Variants in SPAG16 observed in about 807,000 individuals in gnomAD.
The protein encoded by SPAG16 is sperm-associated antigen 16 protein.
Under a neutral mutation model 80.4 loss-of-function variants are expected in SPAG16, and 86 were observed. That is an observed-to-expected ratio of 1.07 (90% CI 0.90 to 1.28). The LOEUF (loss-of-function observed/expected upper bound fraction) is 1.28. SPAG16 is among the 50% of genes most tolerant of loss of function. The pLI is 0.00. For missense variants in SPAG16, 870 were observed against 765.3 expected, an observed-to-expected ratio of 1.14 and a Z score of -1.61; for synonymous variants, 294 against 265.9, an observed-to-expected ratio of 1.11 and a Z score of -1.03.
intron 10 of SPAG16, among the ~76,000 whole-genome samples, chr2:213,594,107 T>C (rs62195176): frequency 0.18 from 26,909 of 151,968 alleles, 3,238 homozygotes; most frequent in Non-Finnish European, 0.27. Context: ...CTTCAACTCT[T>C]TAGCTTTGAG....
chr2:214,140,916 T>G (rs1192078673), intron 14 of SPAG16, among the ~76,000 whole-genome samples: 1 of 100,242 alleles, frequency 1.0e-5, no homozygotes, highest in African/African-American at 4.1e-5. Flanking sequence ...TTTTAATTGT[T>G]AAGTATATCC....
At chr2:213,630,936 G>A (rs1401696413) in intron 10 of SPAG16, among the ~76,000 whole-genome samples, 1 of 152,208 alleles carries the variant, frequency 6.6e-6, no homozygotes, top group Admixed American at 6.5e-5. Context: ...GTAGTGACTT[G>A]AGATGGGGTT....
At chr2:213,464,242 G>T (rs1026975723) in intron 9 of SPAG16, among the ~76,000 whole-genome samples, 1 of 152,226 alleles carries the variant, frequency 6.6e-6, no homozygotes, top group Admixed American at 6.5e-5. Flanking sequence ...CTTCAAAGGG[G>T]TGTTTCTAAA....
At chr2:214,007,212 AT>A (rs777897280) in intron 12 of SPAG16, among the ~76,000 whole-genome samples, 7 of 152,282 alleles carry the variant, frequency 4.6e-5, no homozygotes, top group Admixed American at 3.3e-4. Flanking sequence ...AATAAAAATA[AT>A]TTTTAGTCTA....
intron 15 of SPAG16, among the ~76,000 whole-genome samples, chr2:214,363,706 G>T (rs530564940): frequency 6.6e-6 from 1 of 152,124 alleles, no homozygotes; most frequent in Middle Eastern, 3.4e-3. Context: ...ATCTTTTAAA[G>T]ACAAAGAAAA....
At chr2:214,349,890 T>G (rs1698287686) in intron 15 of SPAG16, among the ~76,000 whole-genome samples, 1 of 152,248 alleles carries the variant, frequency 6.6e-6, no homozygotes, top group African/African-American at 2.4e-5. Context: ...ATGAAGTGTC[T>G]GCACCAATAT....
At chr2:214,053,239 G>T (rs2049754991) in intron 13 of SPAG16, among the ~76,000 whole-genome samples, 1 of 152,146 alleles carries the variant, frequency 6.6e-6, no homozygotes, top group African/African-American at 2.4e-5. Context: ...GAGCAAAAAT[G>T]CAGTTCAGTT....
intron 10 of SPAG16, among the ~76,000 whole-genome samples, chr2:213,656,300 A>T (rs993488683): frequency 1.6e-4 from 24 of 152,154 alleles, no homozygotes; most frequent in African/African-American, 4.8e-4. Flanking sequence ...CCTCCGGAGT[A>T]GCTGGGACTG....
At position 213,869,264 on chromosome 2, in the gene SPAG16, A is replaced by ATATAT. The variant is rs1553648743; in HGVS notation, c.1214+6636_1214+6637insTATAT. Among the ~76,000 whole-genome samples the ATATAT allele has an allele frequency of 3.0e-3, 188 of 63,592 alleles. 3 individuals carry two copies. In the East Asian group the frequency reaches 0.047, roughly 16 times the overall value. The allele number at this position is 63,592 out of a possible 152,430, so 41.7% of individuals were successfully genotyped here. ...GCTAAAGTCCATGTCAAAAAAAAAA[A>ATATAT]ATATATATATATATATGTATATATA... On this transcript the variant is annotated intron_variant, in intron 11 of 15. Coordinates refer to ENST00000331683, the MANE Select transcript of SPAG16 (RefSeq NM_024532.5).
intron 12 of SPAG16, among the ~76,000 whole-genome samples, chr2:213,995,228 G>A (rs562835887): frequency 2.2e-4 from 34 of 152,240 alleles, no homozygotes; most frequent in African/African-American, 7.5e-4. Flanking sequence ...AAACTGTTAG[G>A]GGCTTAGTGA....
chr2:213,995,098 G>A lies in SPAG16; in HGVS notation c.1401-18853G>A, dbSNP rs1246598693. Among the ~76,000 whole-genome samples, 7 of 152,196 alleles carry A rather than the reference G, an allele frequency of 4.6e-5. No individual in the cohort carries two copies. In the East Asian group the frequency reaches 7.7e-4, roughly 17 times the overall value. On this transcript the variant is annotated intron_variant, in intron 12 of 15. Transcript: ENST00000331683. ...TGCTAGTTGAGAAGACTTCTCATGC[G>A]TCCTCCTCATTTCATAAGCATAGAT...
chr2:213,888,916 A>G (rs1316883444), intron 11 of SPAG16, among the ~76,000 whole-genome samples: 3 of 152,026 alleles, frequency 2.0e-5, no homozygotes, highest in Admixed American at 6.6e-5. Context: ...AATCTACTTC[A>G]TAGAACTGAT....
intron 15 of SPAG16, among the ~76,000 whole-genome samples, chr2:214,400,695 T>C (rs1402502037): frequency 6.6e-6 from 1 of 152,022 alleles, no homozygotes; most frequent in Non-Finnish European, 1.5e-5. Flanking sequence ...GCTTAATAAG[T>C]CACATTCCAT....
At chr2:213,690,135 T>C (rs1268009058) in intron 10 of SPAG16, among the ~76,000 whole-genome samples, 1 of 152,232 alleles carries the variant, frequency 6.6e-6, no homozygotes, top group Admixed American at 6.5e-5. Flanking sequence ...ATACTGGCTA[T>C]TTTTTCTGCT....
intron 5 of SPAG16, among the ~76,000 whole-genome samples, chr2:213,323,267 C>T (rs1458456397): frequency 3.9e-5 from 6 of 152,138 alleles, no homozygotes; most frequent in African/African-American, 9.6e-5. Context: ...GGTGAAACCC[C>T]GTCTCTTCTA....
chr2:213,895,273 C>G (rs2076952184), intron 11 of SPAG16, among the ~76,000 whole-genome samples: 1 of 151,974 alleles, frequency 6.6e-6, no homozygotes, highest in South Asian at 2.1e-4. Context: ...TCAAAGAGGA[C>G]AGAAACAAAT....
At chr2:214,078,764 T>C (rs2051212510) in intron 13 of SPAG16, among the ~76,000 whole-genome samples, 1 of 152,184 alleles carries the variant, frequency 6.6e-6, no homozygotes, top group South Asian at 2.1e-4. Context: ...TAAATATCTT[T>C]AGGGGTTGTT....
At chr2:214,252,994 T>A (rs188864354) in intron 15 of SPAG16, among the ~76,000 whole-genome samples, 1 of 152,116 alleles carries the variant, frequency 6.6e-6, no homozygotes, top group Non-Finnish European at 1.5e-5. Flanking sequence ...CCGTTCTAAG[T>A]GGCATGAGAT....
At chr2:214,182,085 A>G (rs2057325319) in intron 15 of SPAG16, among the ~76,000 whole-genome samples, 1 of 151,878 alleles carries the variant, frequency 6.6e-6, no homozygotes, top group Non-Finnish European at 1.5e-5. Context: ...ATGGAATAAA[A>G]TGAACTGACA....
Sources: allele counts gnomAD v4.1 joint callset (sites outside exome capture counted in the v4.1 genomes callset), GRCh38; gene constraint gnomAD v4.1.1; transcripts MANE v1.5; gene names NCBI Gene and HGNC (gene_info 2026-07-23, HGNC 2026-07-21).